Variants in NBAS observed in about 807,000 individuals in gnomAD.
The protein encoded by NBAS is NBAS subunit of NRZ tethering complex.
A neutral mutation model predicts 302.5 loss-of-function variants in NBAS; 219 were observed. The ratio of observed to expected loss-of-function variants is 0.72; its 90% CI spans 0.65 to 0.81. NBAS has a LOEUF of 0.81. Among genes scored for constraint, NBAS ranks in the 30% least tolerant of loss-of-function variants. The pLI is 0.00. For synonymous variants in NBAS, 1,118 were observed against 1,021.6 expected, an observed-to-expected ratio of 1.09 and a Z score of -1.80; for missense variants, 2,932 against 2,841.6, an observed-to-expected ratio of 1.03 and a Z score of -0.72.
intron 16 of NBAS, among the ~76,000 whole-genome samples, chr2:15,471,431 C>T (rs978287773): frequency 6.6e-6 from 1 of 152,110 alleles, no homozygotes; most frequent in South Asian, 2.1e-4. Context: ...TAATTACTAA[C>T]GTATAAAACT....
the NBAS span, among the ~76,000 whole-genome samples, chr2:15,133,496 A>AT: frequency 6.6e-6 from 1 of 152,202 alleles, no homozygotes; most frequent in African/African-American, 2.4e-5. Flanking sequence ...TGTCTAAGAA[A>AT]TTCAGCAATC....
chr2:15,361,158 T>A (rs1354631355), intron 32 of NBAS, among the ~76,000 whole-genome samples: 2 of 152,162 alleles, frequency 1.3e-5, no homozygotes, highest in Non-Finnish European at 2.9e-5. Context: ...GCATATGAGA[T>A]CGTTGTTGAC....
the NBAS span, among the ~76,000 whole-genome samples, chr2:14,784,390 C>T: frequency 9.2e-5 from 14 of 152,124 alleles, no homozygotes; most frequent in Non-Finnish European, 1.8e-4. Flanking sequence ...GAAGTCCTTG[C>T]CCATGCCTAT....
the NBAS span, among the ~76,000 whole-genome samples, chr2:14,783,607 G>A: frequency 1.3e-5 from 2 of 150,992 alleles, no homozygotes; most frequent in African/African-American, 4.9e-5. Context: ...TACTGAGAAT[G>A]ATGATTTCCA....
At chr2:14,932,984 T>G in the NBAS span, among the ~76,000 whole-genome samples, 2 of 152,338 alleles carry the variant, frequency 1.3e-5, no homozygotes, top group African/African-American at 4.8e-5. Flanking sequence ...TGCAAGCTAT[T>G]TTTTGACGAA....
At chr2:14,811,103 GA>G in the NBAS span, among the ~76,000 whole-genome samples, 5 of 152,252 alleles carry the variant, frequency 3.3e-5, no homozygotes, top group African/African-American at 9.6e-5. Context: ...TTTTAAACAG[GA>G]AAATAAAAGA....
At position 15,379,817 on chromosome 2, in the gene NBAS, G is replaced by C. The variant is rs1408848872; in HGVS notation, c.3375C>G (p.Ser1125Arg). 1.2e-6 allele frequency: 2 copies of C among 1,613,904 alleles called. No homozygotes were observed. Among genetic ancestry groups the C allele is most frequent in the Admixed American group, 1.7e-5 (1 of 60,000 alleles). The change falls in exon 30 of 52, where the codon AGC becomes AGG. Residue 1125 changes from serine (S) to arginine (R), a missense_variant. Ser to Arg is a moderately radical substitution (Grantham distance 110). Transcript: ENST00000281513. ...TTTCAAGGCGACTAGAGCACAGAAG[G>C]CTTTCTGTAAATATCTGGAAAAAAG... ...SDACYEIFTE[S>R]LLCSSRLENI...
At chr2:15,439,321 A>G (rs966836715) in intron 21 of NBAS, among the ~76,000 whole-genome samples, 1 of 151,772 alleles carries the variant, frequency 6.6e-6, no homozygotes, top group African/African-American at 2.4e-5. Context: ...AAAAAAAAAA[A>G]AAAAGAATAT....
At chr2:15,102,168 C>T in the NBAS span, among the ~76,000 whole-genome samples, 69 of 152,294 alleles carry the variant, frequency 4.5e-4, no homozygotes, top group African/African-American at 1.5e-3. Flanking sequence ...AGGGTCATCA[C>T]CCAAGATGAC....
chr2:15,306,856 T>C (rs186236029), intron 40 of NBAS, among the ~76,000 whole-genome samples: 127 of 152,036 alleles, frequency 8.4e-4, no homozygotes, highest in South Asian at 2.1e-3. Context: ...TACAAATACA[T>C]GATTTGACTG....
intron 40 of NBAS, among the ~76,000 whole-genome samples, chr2:15,295,716 A>G (rs1188375191): frequency 6.6e-6 from 1 of 152,200 alleles, no homozygotes; most frequent in East Asian, 1.9e-4. Flanking sequence ...TGTGTATATC[A>G]TAATTTGCAG....
At chr2:14,934,421 A>G in the NBAS span, among the ~76,000 whole-genome samples, 1 of 152,140 alleles carries the variant, frequency 6.6e-6, no homozygotes, top group East Asian at 1.9e-4. Context: ...TATTACTTAT[A>G]CTTTGCCAAG....
the NBAS span, among the ~76,000 whole-genome samples, chr2:15,039,883 G>A: frequency 6.6e-6 from 1 of 152,202 alleles, no homozygotes; most frequent in African/African-American, 2.4e-5. Context: ...AAAGGTGAGG[G>A]GGTGGGGATG....
the NBAS span, among the ~76,000 whole-genome samples, chr2:15,113,616 A>G: frequency 6.6e-6 from 1 of 152,142 alleles, no homozygotes; most frequent in Non-Finnish European, 1.5e-5. Context: ...TCATTAAGAA[A>G]AATAAGTGCA....
At chr2:14,995,336 T>A in the NBAS span, among the ~76,000 whole-genome samples, 1 of 152,296 alleles carries the variant, frequency 6.6e-6, no homozygotes, top group South Asian at 2.1e-4. Flanking sequence ...TTGCGATAGT[T>A]TGCCGAAAAT....
At chr2:15,442,419 A>C (rs2148517306) in intron 21 of NBAS, among the ~76,000 whole-genome samples, 1 of 151,748 alleles carries the variant, frequency 6.6e-6, no homozygotes, top group East Asian at 1.9e-4. Context: ...ACATAACAAA[A>C]TGAAGGCAGA....
the NBAS span, among the ~76,000 whole-genome samples, chr2:15,143,568 G>A: frequency 1.3e-5 from 2 of 152,026 alleles, no homozygotes; most frequent in Admixed American, 6.6e-5. Flanking sequence ...TGCCCTTAGA[G>A]CCAAACAGAG....
At chr2:15,070,224 C>A in the NBAS span, among the ~76,000 whole-genome samples, 1 of 152,160 alleles carries the variant, frequency 6.6e-6, no homozygotes. Context: ...TTAAGTCCAG[C>A]CTCCAACAGG....
At chr2:15,403,847 T>C (rs1323082570) in intron 25 of NBAS, among the ~76,000 whole-genome samples, 5 of 151,006 alleles carry the variant, frequency 3.3e-5, no homozygotes, top group Non-Finnish European at 3.0e-5. Context: ...CTTTTCCTGA[T>C]TTATTTTTCC....
Sources: allele counts gnomAD v4.1 joint callset (sites outside exome capture counted in the v4.1 genomes callset), GRCh38; gene constraint gnomAD v4.1.1; transcripts MANE v1.5; gene names NCBI Gene and HGNC (gene_info 2026-07-23, HGNC 2026-07-21).